Variants in NCK2 observed in about 807,000 individuals in gnomAD.
NCK2 encodes the protein NCK adaptor protein 2.
A neutral mutation model predicts 33.9 loss-of-function variants in NCK2; 16 were observed. That is an observed-to-expected ratio of 0.47 (90% CI 0.32 to 0.72). NCK2 has a LOEUF of 0.72. Among genes scored for constraint, NCK2 ranks in the 30% least tolerant of loss-of-function variants. The probability of loss-of-function intolerance (pLI) is 0.03; values close to 1 mark genes in which losing one functional copy is unlikely to be tolerated. For missense variants in NCK2, 418 were observed against 537.3 expected (o/e 0.78, Z 2.19); for synonymous variants, 273 against 239.9 (o/e 1.14, Z -1.27).
At position 105,793,539 on chromosome 2, in the gene NCK2, T is replaced by G. The variant is rs565049804; in HGVS notation, c.-200-22891T>G. The stretch of plus-strand genomic sequence containing the variant: ...GTAGGCATTGCACTGGCTAACAAGT[T>G]TATTTGGCAGTTTTCAGAGTAAATA... On this transcript the variant is annotated intron_variant, in intron 1 of 4. Coordinates refer to ENST00000233154, the MANE Select transcript of NCK2 (RefSeq NM_003581.5). 3.9e-5 allele frequency among the ~76,000 whole-genome samples: 6 copies of G among 152,330 alleles called. No homozygotes were observed. In the South Asian group the frequency reaches 1.2e-3, roughly 32 times the overall value.
chr2:105,832,698 G>C (rs1026142580), intron 2 of NCK2, among the ~76,000 whole-genome samples: 1 of 121,332 alleles, frequency 8.2e-6, no homozygotes, highest in Non-Finnish European at 1.7e-5. Flanking sequence ...GATTTACTTT[G>C]CCAGTATTTT....
At chr2:105,808,625 G>A (rs1461077671) in intron 1 of NCK2, among the ~76,000 whole-genome samples, 1 of 152,282 alleles carries the variant, frequency 6.6e-6, no homozygotes, top group East Asian at 1.9e-4. Context: ...AGTGCCACGT[G>A]ACTGCAGGGT....
chr2:105,889,079 T>C (rs1286228556), intron 4 of NCK2, among the ~76,000 whole-genome samples: 1 of 152,208 alleles, frequency 6.6e-6, no homozygotes, highest in African/African-American at 2.4e-5. Flanking sequence ...CAGATGAGAA[T>C]AGGACTGATG....
chr2:105,770,782 A>G (rs1168188579), intron 1 of NCK2, among the ~76,000 whole-genome samples: 1 of 151,132 alleles, frequency 6.6e-6, no homozygotes, highest in East Asian at 2.0e-4. Flanking sequence ...ATGTATTTCT[A>G]CCCCTTTAAA....
chr2:105,882,502 C>A (rs1366331281), intron 4 of NCK2, among the ~76,000 whole-genome samples: 1 of 152,180 alleles, frequency 6.6e-6, no homozygotes, highest in Non-Finnish European at 1.5e-5. Flanking sequence ...CTTTGTAAAC[C>A]ATATAATCCC....
intron 1 of NCK2, among the ~76,000 whole-genome samples, chr2:105,814,278 T>C (rs186330640): frequency 6.6e-6 from 1 of 152,326 alleles, no homozygotes; most frequent in East Asian, 1.9e-4. Context: ...ACATTGACAG[T>C]TTGTCAGTGG....
At chr2:105,785,659 G>C (rs1036159582) in intron 1 of NCK2, among the ~76,000 whole-genome samples, 4 of 152,208 alleles carry the variant, frequency 2.6e-5, no homozygotes, top group Non-Finnish European at 5.9e-5. Context: ...ATCCGCTCAG[G>C]TGTTTGCAGG....
At chr2:105,785,586 G>A (rs1188713039) in intron 1 of NCK2, among the ~76,000 whole-genome samples, 1 of 152,202 alleles carries the variant, frequency 6.6e-6, no homozygotes, top group African/African-American at 2.4e-5. Flanking sequence ...TAAAGGGAAA[G>A]GCCCAATCTC....
intron 1 of NCK2, among the ~76,000 whole-genome samples, chr2:105,793,938 T>C (rs1690982577): frequency 1.3e-5 from 2 of 152,216 alleles, no homozygotes; most frequent in Non-Finnish European, 2.9e-5. Context: ...TTTCAGTGGA[T>C]AAAAGCTTTT....
At position 105,772,669 on chromosome 2, in the gene NCK2, C is replaced by T. The variant is rs562122060; in HGVS notation, c.-201+27531C>T. ...AGTCAATGACAAAAACACTGTGCTT[C>T]TGACTTCAGGGAGGCTCAGAGGCAT... is the stretch of plus-strand genomic sequence containing the variant. On this transcript the variant is annotated intron_variant, in intron 1 of 4. Coordinates refer to ENST00000233154, the MANE Select transcript of NCK2 (RefSeq NM_003581.5). Among the ~76,000 whole-genome samples the T allele has an allele frequency of 2.2e-4, 34 of 152,278 alleles. 1 individual carries two copies. Among genetic ancestry groups the T allele is most frequent in the African/African-American group, 7.0e-4 (29 of 41,568 alleles).
chr2:105,813,820 G>C (rs1223417583), intron 1 of NCK2, among the ~76,000 whole-genome samples: 1 of 152,238 alleles, frequency 6.6e-6, no homozygotes, highest in South Asian at 2.1e-4. Context: ...GTAAAATTTT[G>C]TAGTATTAAG....
intron 2 of NCK2, among the ~76,000 whole-genome samples, chr2:105,850,359 T>A (rs920663127): frequency 1.3e-5 from 2 of 152,182 alleles, no homozygotes; most frequent in Non-Finnish European, 2.9e-5. Flanking sequence ...ATTTTAGGCG[T>A]TAGTGAAAAC....
rs1573207482 is a variant in NCK2, at chr2:105,854,921, A to C, written c.-16-127A>C. ...GGTCATTTTAAAGTTGAGCATTTCA[A>C]GACCCAGGAGAAAACTGGTTGCAGA... On this transcript the variant is annotated intron_variant, in intron 2 of 4. Coordinates refer to ENST00000233154, the MANE Select transcript of NCK2 (RefSeq NM_003581.5). The C allele has an allele frequency of 3.5e-5, 23 of 658,436 alleles. No homozygotes were observed. The East Asian group carries it at 6.3e-4, about 18-fold the overall frequency. 40.8% of individuals were successfully genotyped at this position (658,436 alleles called of 1,614,324 possible). A position where few individuals can be genotyped will look rare whatever the true frequency, so the allele number is the denominator to read the frequency against.
chr2:105,773,572 G>A (rs1264170379), intron 1 of NCK2, among the ~76,000 whole-genome samples: 2 of 152,022 alleles, frequency 1.3e-5, no homozygotes, highest in East Asian at 1.9e-4. Flanking sequence ...CCCTTCCCCA[G>A]TCCTCTGTCA....
intron 3 of NCK2, among the ~76,000 whole-genome samples, chr2:105,862,617 A>C (rs1243446204): frequency 6.6e-6 from 1 of 152,160 alleles, no homozygotes; most frequent in African/African-American, 2.4e-5. Flanking sequence ...GAAATGAGAA[A>C]CCTCGGGAGT....
chr2:105,878,449 G>T (rs923743578), intron 3 of NCK2, among the ~76,000 whole-genome samples: 16 of 152,282 alleles, frequency 1.1e-4, no homozygotes, highest in African/African-American at 3.8e-4. Flanking sequence ...ACAAAGAAAA[G>T]GAGATTGGAA....
At chr2:105,757,574 C>T (rs1426419917) in intron 1 of NCK2, among the ~76,000 whole-genome samples, 1 of 152,140 alleles carries the variant, frequency 6.6e-6, no homozygotes, top group African/African-American at 2.4e-5. Flanking sequence ...CTACATAGGA[C>T]CAGCCATGGG....
At chr2:105,836,930 A>G (rs1208533041) in intron 2 of NCK2, among the ~76,000 whole-genome samples, 1 of 152,134 alleles carries the variant, frequency 6.6e-6, no homozygotes, top group Admixed American at 6.5e-5. Context: ...GATGCCAGGT[A>G]CCTCCCTTTA....
chr2:105,868,445 A>G (rs1677847319), intron 3 of NCK2, among the ~76,000 whole-genome samples: 1 of 152,088 alleles, frequency 6.6e-6, no homozygotes, highest in Non-Finnish European at 1.5e-5. Flanking sequence ...GCAGCTGTTG[A>G]TGGGGAATCT....
Sources: gnomAD v4.1 joint callset for allele counts (sites outside exome capture counted in the v4.1 genomes callset) on GRCh38, gnomAD v4.1.1 for gene constraint, MANE v1.5 for transcripts, NCBI Gene and HGNC (gene_info 2026-07-23, HGNC 2026-07-21) for gene names.